HSPA12A: variants seen among roughly 807,000 people sequenced by gnomAD.
HSPA12A encodes the protein heat shock protein family A (Hsp70) member 12A.
In HSPA12A, 28 loss-of-function variants were observed where a neutral mutation model predicts 69.2. The ratio of observed to expected loss-of-function variants is 0.40; its 90% CI spans 0.30 to 0.55. HSPA12A has a LOEUF of 0.55. HSPA12A is among the 20% of genes least tolerant of loss of function. The pLI is 0.38. For missense variants in HSPA12A, 686 were observed against 900.7 expected, an observed-to-expected ratio of 0.76 and a Z score of 3.05; for synonymous variants, 345 against 370.5, an observed-to-expected ratio of 0.93 and a Z score of 0.79.
intron 2 of HSPA12A, among the ~76,000 whole-genome samples, 153 bp downstream of exon 2, chr10:116,707,047 C>A (rs782015710): frequency 7.2e-5 from 11 of 152,176 alleles, no homozygotes; most frequent in Admixed American, 1.3e-4. Flanking sequence ...TCAACTTAAT[C>A]TCCAACCAGT....
chr10:116,791,831 T>A (rs1439642905), intron 2 of HSPA12A, among the ~76,000 whole-genome samples: 1 of 152,020 alleles, frequency 6.6e-6, no homozygotes, highest in Non-Finnish European at 1.5e-5. Context: ...GCCTGCAGAA[T>A]CTTCCATCTC....
chr10:116,810,263 C>T (rs1269017215), intron 2 of HSPA12A, among the ~76,000 whole-genome samples: 1 of 152,116 alleles, frequency 6.6e-6, no homozygotes, highest in African/African-American at 2.4e-5. Context: ...TGAAACCTCC[C>T]GGCTGCAGCC....
At position 116,813,247 on chromosome 10, in the gene HSPA12A, A is replaced by ATTTTTTTTTTTTTTTTT. The variant is rs71013618; in HGVS notation, c.91+21687_91+21688insAAAAAAAAAAAAAAAAA. 2.0e-5 allele frequency among the ~76,000 whole-genome samples: 2 copies of ATTTTTTTTTTTTTTTTT among 100,028 alleles called. 1 individual carries two copies. 65.6% of individuals were successfully genotyped at this position (100,028 alleles called of 152,430 possible). On this transcript the variant is annotated intron_variant, in intron 2 of 12. Transcript: ENST00000635765. ...AAAGAAAGAGGCCATCCAGAGCTCT[A>ATTTTTTTTTTTTTTTTT]TTTTTTTTTTTTTTTTGAGATGGAG...
intron 5 of HSPA12A, among the ~76,000 whole-genome samples, chr10:116,695,221 G>A (rs192841248): frequency 1.9e-4 from 29 of 152,150 alleles, no homozygotes; most frequent in African/African-American, 7.0e-4. Flanking sequence ...GCAGGCTCTC[G>A]GGATTACTGG....
chr10:116,847,756 T>C (rs980190266), intron 1 of HSPA12A, among the ~76,000 whole-genome samples: 1 of 152,238 alleles, frequency 6.6e-6, no homozygotes, highest in Non-Finnish European at 1.5e-5. Flanking sequence ...ATCAAGTCGC[T>C]GTCCTCCTGG....
At chr10:116,782,257 G>A (rs1332344788) in intron 2 of HSPA12A, among the ~76,000 whole-genome samples, 5 of 152,122 alleles carry the variant, frequency 3.3e-5, no homozygotes, top group East Asian at 3.9e-4. Context: ...GGTGAGCACC[G>A]GGGATCTTTA....
intron 9 of HSPA12A, among the ~76,000 whole-genome samples, chr10:116,680,475 A>G (rs1849370595): frequency 6.6e-6 from 1 of 152,092 alleles, no homozygotes; most frequent in South Asian, 2.1e-4. Flanking sequence ...CAAAAGGGAA[A>G]CAGCATGTTC....
At chr10:116,759,152 T>C (rs1273345520) in intron 2 of HSPA12A, among the ~76,000 whole-genome samples, 1 of 152,224 alleles carries the variant, frequency 6.6e-6, no homozygotes, top group Non-Finnish European at 1.5e-5. Flanking sequence ...GCAGAATAAA[T>C]CTGCCCTTCT....
At chr10:116,785,783 T>A (rs906812620) in intron 2 of HSPA12A, among the ~76,000 whole-genome samples, 3 of 152,084 alleles carry the variant, frequency 2.0e-5, no homozygotes, top group African/African-American at 7.2e-5. Flanking sequence ...CCACCGGTTA[T>A]CCCAGCCAGA....
chr10:116,709,660 A>C (rs1554882868), intron 1 of HSPA12A, among the ~76,000 whole-genome samples: 4 of 152,168 alleles, frequency 2.6e-5, no homozygotes, highest in Non-Finnish European at 2.9e-5. Flanking sequence ...ATTCACAGAG[A>C]CAGAAAGTAG....
At chr10:116,759,351 T>C (rs1408467752) in intron 2 of HSPA12A, among the ~76,000 whole-genome samples, 2 of 152,328 alleles carry the variant, frequency 1.3e-5, no homozygotes, top group Non-Finnish European at 2.9e-5. Context: ...TTTGGAGCCA[T>C]TCAGTGTCAA....
At chr10:116,711,531 C>T (rs535625435) in intron 1 of HSPA12A, among the ~76,000 whole-genome samples, 2 of 152,220 alleles carry the variant, frequency 1.3e-5, no homozygotes, top group South Asian at 4.2e-4. Context: ...AGCACCGTTC[C>T]AAGTAGATTA....
At chr10:116,728,709 C>G (rs1265189823) in intron 1 of HSPA12A, among the ~76,000 whole-genome samples, 4 of 152,222 alleles carry the variant, frequency 2.6e-5, no homozygotes, top group Non-Finnish European at 5.9e-5. Context: ...CAATTCAAGT[C>G]TATGTGCCAC....
Position 116,824,785 on chromosome 10 carries a change from C to T in HSPA12A, c.91+10150G>A, listed in dbSNP as rs184349009. On this transcript the variant is annotated intron_variant, in intron 2 of 12. Coordinates refer to the HSPA12A transcript ENST00000635765. ...AGTAGCTGGGACTATAGATGCGCACCGCCACACCCGGCTAATTTTTGTATT... is the reference window on the plus strand; with the variant it reads ...AGTAGCTGGGACTATAGATGCGCACTGCCACACCCGGCTAATTTTTGTATT... Among the ~76,000 whole-genome samples, 1,071 of 152,286 alleles carry T rather than the reference C, an allele frequency of 7.0e-3. 22 individuals are homozygous for T. The highest frequency in any genetic ancestry group is 0.023 in the African/African-American group (954 of 41,578).
At chr10:116,745,985 TC>T (rs1395864608), upstream of HSPA12A, among the ~76,000 whole-genome samples, 3 of 151,626 alleles carry the variant, frequency 2.0e-5, no homozygotes, top group Non-Finnish European at 2.9e-5. Context: ...GTCACCCACC[TC>T]CCCCTCTAGC....
At chr10:116,793,573 C>T (rs930551198) in intron 2 of HSPA12A, among the ~76,000 whole-genome samples, 1 of 70,682 alleles carries the variant, frequency 1.4e-5, no homozygotes, top group Non-Finnish European at 3.9e-5. Context: ...CCTGTCCCCA[C>T]TGAAAACAAC....
intron 7 of HSPA12A, 104 bp from the exon 8 acceptor site, chr10:116,681,981 A>G: frequency 4.0e-6 from 4 of 992,162 alleles, no homozygotes; most frequent in South Asian, 1.4e-5. Context: ...TTAGGGATGG[A>G]ACATTAGTGA....
chr10:116,690,672 C>A (rs1317090991), intron 6 of HSPA12A, among the ~76,000 whole-genome samples: 1 of 152,172 alleles, frequency 6.6e-6, no homozygotes, highest in Non-Finnish European at 1.5e-5. Flanking sequence ...ATTCCAACAA[C>A]CCCCAGGGAT....
chr10:116,777,456 C>T (rs955911696), intron 2 of HSPA12A, among the ~76,000 whole-genome samples: 4 of 152,222 alleles, frequency 2.6e-5, no homozygotes, highest in Non-Finnish European at 5.9e-5. Context: ...CTCCTTCCTG[C>T]CCCACCTGGT....
Sources: gnomAD v4.1 joint callset for allele counts (sites outside exome capture counted in the v4.1 genomes callset) on GRCh38, gnomAD v4.1.1 for gene constraint, MANE v1.5 for transcripts, NCBI Gene and HGNC (gene_info 2026-07-23, HGNC 2026-07-21) for gene names.